The following FAM78A variants were observed in gnomAD, a reference collection of about 807,000 sequenced individuals.
FAM78A encodes family with sequence similarity 78 member A, also known as protein FAM78A.
Under a neutral mutation model 22.6 loss-of-function variants are expected in FAM78A, and 12 were observed. The observed-to-expected ratio is 0.53, with a 90% CI of 0.34 to 0.86. The LOEUF (loss-of-function observed/expected upper bound fraction) is 0.86. Among genes scored for constraint, FAM78A ranks in the 40% least tolerant of loss-of-function variants. FAM78A has a pLI of 0.02. For synonymous variants in FAM78A, 151 were observed against 155.8 expected (o/e 0.97, Z 0.23); for missense variants, 322 against 396.1 (o/e 0.81, Z 1.59).
At chr9:131,270,945 A>T (rs1404830878) in intron 1 of FAM78A, among the ~76,000 whole-genome samples, 1 of 151,038 alleles carries the variant, frequency 6.6e-6, no homozygotes, top group Non-Finnish European at 1.5e-5. Context: ...TCATCCCAGC[A>T]GGACAGGGTG....
chr9:131,267,606 A>T (rs1171221878), intron 1 of FAM78A, among the ~76,000 whole-genome samples: 3 of 152,242 alleles, frequency 2.0e-5, no homozygotes, highest in African/African-American at 7.2e-5. Context: ...ATATACAGAT[A>T]TACAGATATA....
Position 131,275,875 on chromosome 9 carries a change from T to A in FAM78A, c.305A>T (p.Gln102Leu). Residue 102 changes from glutamine (Q) to leucine (L), a missense_variant, in exon 1 of 2, where the codon CAG becomes CTG. Gln to Leu is a moderately radical substitution (Grantham distance 113). Transcript: ENST00000372271. This position sits in a 1 kb window ranked among gnomAD's most constrained non-coding sequence, Gnocchi z 4.6. ...QACSHMEFYN[Q>L]YGEQGMSSWE... ...TACTCACATGCCCTGCTCGCCGTACTGGTTGTAGAACTCCATGTGGCTGCA... is the reference window on the plus strand; with the variant it reads ...TACTCACATGCCCTGCTCGCCGTACAGGTTGTAGAACTCCATGTGGCTGCA... The A allele has an allele frequency of 6.3e-7, 1 of 1,597,742 alleles. No homozygotes were observed.
intron 1 of FAM78A, among the ~76,000 whole-genome samples, chr9:131,270,037 T>TAAAAAAA (rs1008374603): frequency 9.4e-5 from 8 of 85,540 alleles, no homozygotes; most frequent in East Asian, 7.8e-4. Flanking sequence ...CCTACTAAAA[T>TAAAAAAA]AAAAAAAAAA....
In FAM78A at chr9:131,268,980, G is replaced by T. The variant is rs147172028; in HGVS notation, c.323+6877C>A. On this transcript the variant is annotated intron_variant, in intron 1 of 1. Coordinates refer to ENST00000372271, the MANE Select transcript of FAM78A (RefSeq NM_033387.4). ...TTTGGGAGCCAGAGGAAGGTGGATT[G>T]CTTGAGGTCAGTTCAAAACCAGCCT... Among the ~76,000 whole-genome samples, 928 of 151,288 alleles carry T rather than the reference G, an allele frequency of 6.1e-3. 6 individuals are homozygous for T. Among genetic ancestry groups the T allele is most frequent in the African/African-American group, 0.022 (892 of 41,074 alleles).
chr9:131,270,562 T>TC, intron 1 of FAM78A: 1 of 712,684 alleles, frequency 1.4e-6, no homozygotes. Context: ...GGCTGGGTCA[T>TC]CCCCCCTACT....
At position 131,274,681 on chromosome 9, in the gene FAM78A, C is replaced by T. The variant is rs942464345; in HGVS notation, c.323+1176G>A. On this transcript the variant is annotated intron_variant, in intron 1 of 1. Coordinates refer to ENST00000372271, the MANE Select transcript of FAM78A (RefSeq NM_033387.4). The surrounding 1 kb of genome is among the most constrained non-coding windows in gnomAD (Gnocchi z 4.2). ...CCAGACTTGGTGTCCCGCCATCCTCCACCCCTCTCATTTACAGGTGGCCCA... is the reference window on the plus strand; with the variant it reads ...CCAGACTTGGTGTCCCGCCATCCTCTACCCCTCTCATTTACAGGTGGCCCA... Among the ~76,000 whole-genome samples, 1 of 152,232 alleles carries T rather than the reference C, an allele frequency of 6.6e-6. No homozygotes were observed. The highest frequency in any genetic ancestry group is 1.5e-5 in the Non-Finnish European group (1 of 68,040).
In FAM78A at chr9:131,270,999, G is replaced by GCCT. The variant is rs1311041330; in HGVS notation, c.323+4857_323+4858insAGG. On this transcript the variant is annotated intron_variant, in intron 1 of 1. Transcript: ENST00000372271. Reference sequence around the variant, plus strand: ...ACCCCTGCCCTGTCCTTTCCCACCAGTCTTTTTTTTTTTTTTTTTTTTTTG... The same window carrying GCCT: ...ACCCCTGCCCTGTCCTTTCCCACCAGCCTTCTTTTTTTTTTTTTTTTTTTTTTG... Among the ~76,000 whole-genome samples the GCCT allele has an allele frequency of 1.5e-4, 20 of 131,960 alleles. 4 individuals are homozygous for GCCT. Among genetic ancestry groups the GCCT allele is most frequent in the African/African-American group, 4.9e-4 (17 of 34,362 alleles). The allele number at this position is 131,960 out of a possible 152,430, so 86.6% of individuals were successfully genotyped here.
intron 1 of FAM78A, among the ~76,000 whole-genome samples, chr9:131,266,646 G>A (rs1268284635): frequency 6.6e-6 from 1 of 152,190 alleles, no homozygotes; most frequent in Non-Finnish European, 1.5e-5. Flanking sequence ...CAACGCCACT[G>A]GATCTCATCC....
rs527739898 is a variant in FAM78A, at chr9:131,274,894, G to A, written c.323+963C>T. ...TCTGGGAGTGTCAGCGGCCAGTCAC[G>A]GGGCCGCATGGGTGGGCTGCCCGCC... On this transcript the variant is annotated intron_variant, in intron 1 of 1. Transcript: ENST00000372271. This position sits in a 1 kb window ranked among gnomAD's most constrained non-coding sequence, Gnocchi z 4.2. Among the ~76,000 whole-genome samples the A allele has an allele frequency of 6.6e-5, 10 of 152,290 alleles. No individual in the cohort carries two copies. Among genetic ancestry groups the A allele is most frequent in the South Asian group, 2.1e-4 (1 of 4,822 alleles).
At chr9:131,263,594 C>A (rs1296167193) in intron 1 of FAM78A, 4 of 167,248 alleles carry the variant, frequency 2.4e-5, no homozygotes, top group African/African-American at 4.9e-5. Flanking sequence ...CAGAGCCAGA[C>A]CCTGTCTTAA....
At chr9:131,273,242 C>T (rs1251503202) in intron 1 of FAM78A, among the ~76,000 whole-genome samples, 1 of 152,366 alleles carries the variant, frequency 6.6e-6, no homozygotes, top group East Asian at 1.9e-4. Flanking sequence ...CCCTCATGGA[C>T]GGACACCAAA....
At chr9:131,270,032 T>TAAAAAAAAAAAAAAAAA (rs1435340970) in intron 1 of FAM78A, among the ~76,000 whole-genome samples, 1 of 34,128 alleles carries the variant, frequency 2.9e-5, no homozygotes, top group African/African-American at 9.3e-5. Flanking sequence ...CCATCCCTAC[T>TAAAAAAAAAAAAAAAAA]AAAATAAAAA....
chr9:131,270,915 C>T (rs774674615), intron 1 of FAM78A, among the ~76,000 whole-genome samples: 2 of 151,946 alleles, frequency 1.3e-5, no homozygotes, highest in South Asian at 2.1e-4. Context: ...GGAAGGCGCC[C>T]GAGGCAGCCA....
At position 131,258,808 on chromosome 9, in the gene FAM78A, G is replaced by A. The variant is rs1011102656; in HGVS notation, c.*2014C>T. Reference sequence around the variant, plus strand: ...TGTTCCCCTAAGGCTACTGCCTTTCGGGGTGGCACGGCCTCCATCCTCACA... The same window carrying A: ...TGTTCCCCTAAGGCTACTGCCTTTCAGGGTGGCACGGCCTCCATCCTCACA... On this transcript the variant is annotated 3_prime_UTR_variant, in exon 2 of 2. Transcript: ENST00000372271. 2.6e-5 allele frequency: 4 copies of A among 152,214 alleles called. No individual in the cohort carries two copies. In the East Asian group the frequency reaches 5.8e-4, roughly 22 times the overall value. 9.4% of individuals were successfully genotyped at this position (152,214 alleles called of 1,614,324 possible). A position where few individuals can be genotyped will look rare whatever the true frequency, so the allele number is the denominator to read the frequency against.
At position 131,276,298 on chromosome 9, in the gene FAM78A, T is replaced by C; in HGVS notation, c.-119A>G. 1 of 744,718 alleles carries C rather than the reference T, an allele frequency of 1.3e-6. No homozygotes were observed. The highest frequency in any genetic ancestry group is 2.1e-6 in the Non-Finnish European group (1 of 466,994). 46.1% of individuals were successfully genotyped at this position (744,718 alleles called of 1,614,324 possible). Reference sequence around the variant, plus strand: ...AGTAGACTGGGGTTGCATATATCACTACCGCGGCCTGTTTATAAATAAGGA... The same window carrying C: ...AGTAGACTGGGGTTGCATATATCACCACCGCGGCCTGTTTATAAATAAGGA... On this transcript the variant is annotated 5_prime_UTR_variant, in exon 1 of 2. Transcript: ENST00000372271. This position sits in a 1 kb window ranked among gnomAD's most constrained non-coding sequence, Gnocchi z 4.3.
intron 1 of FAM78A, chr9:131,263,710 G>A (rs1564236126): frequency 6.5e-6 from 1 of 153,098 alleles, no homozygotes; most frequent in Non-Finnish European, 1.5e-5. Flanking sequence ...ATCATATAAT[G>A]TTAACAGTTA....
At chr9:131,263,093 G>T (rs1588196761) in intron 1 of FAM78A, among the ~76,000 whole-genome samples, 3 of 152,152 alleles carry the variant, frequency 2.0e-5, no homozygotes, top group East Asian at 3.9e-4. Flanking sequence ...ACAAAGATTA[G>T]CCAGGCATGG....
In FAM78A at chr9:131,258,938, TGG is replaced by T. The variant is rs1835223685; in HGVS notation, c.*1882_*1883del. The T allele has an allele frequency of 6.6e-6, 1 of 152,544 alleles. No individual in the cohort carries two copies. The highest frequency in any genetic ancestry group is 1.5e-5 in the Non-Finnish European group (1 of 68,050). The allele number at this position is 152,544 out of a possible 1,614,324, so 9.4% of individuals were successfully genotyped here. ...CCCAGTGTGTCCCAGGACAGCCTCC[TGG>T]CACGAGCTGGGCCCGGAGACCGACG... On this transcript the variant is annotated 3_prime_UTR_variant, in exon 2 of 2. Coordinates refer to ENST00000372271, the MANE Select transcript of FAM78A (RefSeq NM_033387.4).
At position 131,259,457 on chromosome 9, in the gene FAM78A, T is replaced by G. The variant is rs1241867566; in HGVS notation, c.*1365A>C. ...TAAGCCCACCCAGCCCTCCCAGCCC[T>G]TGGCCTGGATTCACTTATTTGAGGA... On this transcript the variant is annotated 3_prime_UTR_variant, in exon 2 of 2. Coordinates refer to ENST00000372271, the MANE Select transcript of FAM78A (RefSeq NM_033387.4). The G allele has an allele frequency of 1.4e-5, 2 of 146,666 alleles. No individual in the cohort carries two copies. Among genetic ancestry groups the G allele is most frequent in the East Asian group, 4.5e-4 (2 of 4,430 alleles). 9.1% of individuals were successfully genotyped at this position (146,666 alleles called of 1,614,324 possible). A position where few individuals can be genotyped will look rare whatever the true frequency, so the allele number is the denominator to read the frequency against.
Sources: allele counts gnomAD v4.1 joint callset (sites outside exome capture counted in the v4.1 genomes callset), GRCh38; gene constraint gnomAD v4.1.1; non-coding constraint Gnocchi (gnomAD v3.1); transcripts MANE v1.5; gene names NCBI Gene and HGNC (gene_info 2026-07-23, HGNC 2026-07-21).